The following THSD7A variants were observed in gnomAD, a reference collection of about 807,000 sequenced individuals.
THSD7A encodes the protein thrombospondin type 1 domain containing 7A.
Under a neutral mutation model 231.3 loss-of-function variants are expected in THSD7A, and 96 were observed. The observed-to-expected ratio is 0.41, with a 90% confidence interval of 0.35 to 0.49. The LOEUF is 0.49. Among genes scored for constraint, THSD7A ranks in the 20% least tolerant of loss-of-function variants. The pLI is 0.05. For missense variants in THSD7A, 2,290 were observed against 2,070.2 expected, an observed-to-expected ratio of 1.11 and a Z score of -2.06; for synonymous variants, 940 against 743.3, an observed-to-expected ratio of 1.26 and a Z score of -4.30.
At chr7:11,617,591 T>C (rs1365369598) in intron 2 of THSD7A, among the ~76,000 whole-genome samples, 1 of 152,200 alleles carries the variant, frequency 6.6e-6, no homozygotes, top group African/African-American at 2.4e-5. Context: ...TGTTGGCAAA[T>C]AACACTAATA....
At chr7:11,820,911 C>G (rs1350497762) in intron 1 of THSD7A, 1 of 917,638 alleles carries the variant, frequency 1.1e-6, no homozygotes, top group Non-Finnish European at 1.7e-6. Flanking sequence ...CACTGATTCT[C>G]TAGATTTACC....
chr7:11,690,914 T>C (rs1780211452), intron 1 of THSD7A, among the ~76,000 whole-genome samples: 1 of 151,720 alleles, frequency 6.6e-6, no homozygotes, highest in South Asian at 2.1e-4. Flanking sequence ...TAGGTGTTAA[T>C]GGTAAATTCA....
intron 1 of THSD7A, among the ~76,000 whole-genome samples, chr7:11,666,538 A>G (rs909537644): frequency 3.9e-5 from 6 of 151,930 alleles, no homozygotes; most frequent in Non-Finnish European, 8.8e-5. Context: ...TTTTTGTTTT[A>G]CTGCCTAATA....
chr7:11,638,045 A>G (rs1324333868), intron 1 of THSD7A, among the ~76,000 whole-genome samples: 1 of 152,176 alleles, frequency 6.6e-6, no homozygotes, highest in Non-Finnish European at 1.5e-5. Context: ...GAGGGCCAAC[A>G]TGTGGGGTGG....
intron 1 of THSD7A, among the ~76,000 whole-genome samples, chr7:11,801,653 C>A (rs1784281256): frequency 6.6e-6 from 1 of 151,676 alleles, no homozygotes; most frequent in African/African-American, 2.4e-5. Context: ...AAAGGTTTTC[C>A]AAAAGAACTG....
chr7:11,631,304 T>C (rs936467762), intron 2 of THSD7A, among the ~76,000 whole-genome samples: 3 of 152,194 alleles, frequency 2.0e-5, no homozygotes, highest in African/African-American at 7.2e-5. Flanking sequence ...GTTTTTAAAC[T>C]GTAGATTATT....
intron 1 of THSD7A, among the ~76,000 whole-genome samples, chr7:11,782,836 T>C (rs988397313): frequency 2.0e-5 from 3 of 152,204 alleles, no homozygotes; most frequent in Admixed American, 1.3e-4. Context: ...TGGAATACTT[T>C]GTTATAGCAT....
intron 1 of THSD7A, among the ~76,000 whole-genome samples, chr7:11,695,260 T>G (rs1780352705): frequency 6.6e-6 from 1 of 151,518 alleles, no homozygotes; most frequent in South Asian, 2.1e-4. Flanking sequence ...CCAAGAATAG[T>G]TAGGATATCG....
rs761270309 is a variant in THSD7A at position 11,407,284 on chromosome 7, A to G, written c.3916+22T>C. 4 of 1,582,466 alleles carry G rather than the reference A, an allele frequency of 2.5e-6. No homozygotes were observed. In the Admixed American group the frequency reaches 6.8e-5, roughly 27 times the overall value. ...CATATTCCTTGACCAGTAGCCTAAT[A>G]TAAGTTATGGTACAAACAAACCTGT... On this transcript the variant is annotated intron_variant, in intron 20 of 27. Coordinates refer to ENST00000423059, the MANE Select transcript of THSD7A (RefSeq NM_015204.3).
chr7:11,804,414 G>A (rs941358414), intron 1 of THSD7A, among the ~76,000 whole-genome samples: 2 of 152,024 alleles, frequency 1.3e-5, no homozygotes. Flanking sequence ...GATGAGTTTC[G>A]AAGTTATCAG....
intron 1 of THSD7A, among the ~76,000 whole-genome samples, chr7:11,757,783 T>C (rs1384736613): frequency 6.6e-6 from 1 of 151,846 alleles, no homozygotes; most frequent in Non-Finnish European, 1.5e-5. Flanking sequence ...TGGGCTTTTA[T>C]AAAGTGTCTG....
chr7:11,541,774 C>CTGTA, intron 5 of THSD7A, 143 bp from the exon 6 acceptor site: 1 of 725,442 alleles, frequency 1.4e-6, no homozygotes, highest in Non-Finnish European at 2.3e-6. Context: ...TATCCCCAAA[C>CTGTA]TGTAGCTAAT....
At position 11,454,055 on chromosome 7, in the gene THSD7A, G is replaced by C. The variant is rs193189501; in HGVS notation, c.2605+6607C>G. Among the ~76,000 whole-genome samples the C allele has an allele frequency of 4.6e-3, 706 of 152,072 alleles. 5 individuals are homozygous for C. Among genetic ancestry groups the C allele is most frequent in the African/African-American group, 0.016 (667 of 41,512 alleles). ...AGTTCTATTCAAAGTTTATACACTA[G>C]TGACTTGAATAGTATGAAGAAAATA... On this transcript the variant is annotated intron_variant, in intron 11 of 27. Transcript: ENST00000423059.
chr7:11,449,561 A>G (rs1785078967), intron 11 of THSD7A, among the ~76,000 whole-genome samples: 1 of 152,082 alleles, frequency 6.6e-6, no homozygotes, highest in Non-Finnish European at 1.5e-5. Flanking sequence ...TATGAACTGA[A>G]AGAGCTCTAA....
At chr7:11,397,287 C>G (rs959168139) in intron 23 of THSD7A, among the ~76,000 whole-genome samples, 9 of 152,156 alleles carry the variant, frequency 5.9e-5, no homozygotes, top group African/African-American at 1.9e-4. Flanking sequence ...TGATCTTTGA[C>G]AAGCCTAAGA....
At chr7:11,775,058 A>C (rs1783357451) in intron 1 of THSD7A, among the ~76,000 whole-genome samples, 1 of 152,160 alleles carries the variant, frequency 6.6e-6, no homozygotes, top group African/African-American at 2.4e-5. Context: ...CAAACAAAAA[A>C]CAAAACAAAC....
chr7:11,706,247 T>G (rs1780761279), intron 1 of THSD7A, among the ~76,000 whole-genome samples: 1 of 150,922 alleles, frequency 6.6e-6, no homozygotes, highest in Non-Finnish European at 1.5e-5. Context: ...AGAGCACATG[T>G]GTATTGTCCC....
intron 13 of THSD7A, among the ~76,000 whole-genome samples, chr7:11,433,109 G>T (rs112444843): frequency 1.9e-4 from 29 of 151,920 alleles, no homozygotes; most frequent in South Asian, 4.1e-4. Context: ...TTGGAGTATC[G>T]ATAATGATCC....
intron 7 of THSD7A, among the ~76,000 whole-genome samples, chr7:11,475,091 T>C (rs981188286): frequency 2.6e-5 from 4 of 152,126 alleles, no homozygotes; most frequent in African/African-American, 9.7e-5. Context: ...AATATTGACA[T>C]AGTCAATTGG....
Sources: allele counts gnomAD v4.1 joint callset (sites outside exome capture counted in the v4.1 genomes callset), GRCh38; gene constraint gnomAD v4.1.1; transcripts MANE v1.5; gene names NCBI Gene and HGNC (gene_info 2026-07-23, HGNC 2026-07-21).